Variants in JAG2 observed in about 807,000 individuals in gnomAD.
JAG2 encodes jagged canonical Notch ligand 2.
Under a neutral mutation model 141.7 loss-of-function variants are expected in JAG2, and 46 were observed. That is an observed-to-expected ratio of 0.32 (90% CI 0.26 to 0.42). The LOEUF is 0.42. Among genes scored for constraint, JAG2 ranks in the 10% least tolerant of loss-of-function variants. The pLI, the probability that JAG2 is intolerant of heterozygous loss-of-function variation, is 1.00. For missense variants in JAG2, 1,500 were observed against 1,817.5 expected (o/e 0.83, Z 3.18); for synonymous variants, 862 against 763.5 (o/e 1.13, Z -2.13).
At chr14:105,145,293 G>A (rs1888189654) in intron 23 of JAG2, among the ~76,000 whole-genome samples, 1 of 152,216 alleles carries the variant, frequency 6.6e-6, no homozygotes, top group Non-Finnish European at 1.5e-5. Context: ...AGCTCCACCT[G>A]CAGGCCAGTG....
At chr14:105,145,443 C>T (rs1457804612) in intron 23 of JAG2, among the ~76,000 whole-genome samples, 3 of 152,212 alleles carry the variant, frequency 2.0e-5, no homozygotes, top group Non-Finnish European at 4.4e-5. Context: ...GAGCTACAGC[C>T]CAAGAGCTGG....
At position 105,141,007 on chromosome 14, in the gene JAG2, C is replaced by T. The variant is rs1445466925; in HGVS notation, c.*1688G>A. The T allele has an allele frequency of 6.6e-6, 1 of 152,238 alleles. No homozygotes were observed. The highest frequency in any genetic ancestry group is 2.4e-5 in the African/African-American group (1 of 41,464). The allele number at this position is 152,238 out of a possible 1,614,324, so 9.4% of individuals were successfully genotyped here. On this transcript the variant is annotated 3_prime_UTR_variant, in exon 26 of 26. Coordinates refer to ENST00000331782, the MANE Select transcript of JAG2 (RefSeq NM_002226.5). Reference sequence around the variant, plus strand: ...TACCAGGTCAAAATTTTTATTCGTTCATTCATTTATTCATTTGTTCTGCCT... The same window carrying T: ...TACCAGGTCAAAATTTTTATTCGTTTATTCATTTATTCATTTGTTCTGCCT...
Position 105,148,870 on chromosome 14 carries a change from AG to A in JAG2, c.1907-13del. ...GCAGTCGTCAATGTCTGCAGAGGCG[AG>A]CGGGGTGAGCCAGGGCCTCAGGCCA... On this transcript the variant is annotated splice_polypyrimidine_tract_variant and intron_variant, in intron 14 of 25. Coordinates refer to ENST00000331782, the MANE Select transcript of JAG2 (RefSeq NM_002226.5). 6.3e-7 allele frequency: 1 copy of A among 1,587,306 alleles called. No individual in the cohort carries two copies. Among genetic ancestry groups the A allele is most frequent in the Non-Finnish European group, 8.6e-7 (1 of 1,167,796 alleles).
At chr14:105,165,950 C>T (rs1384490111) in intron 2 of JAG2, among the ~76,000 whole-genome samples, 8 of 152,174 alleles carry the variant, frequency 5.3e-5, no homozygotes, top group African/African-American at 1.9e-4. Context: ...TGCCGCCGCC[C>T]GAGTGCAAAT....
Position 105,148,386 on chromosome 14 carries a change from G to A in JAG2, c.2074C>T (p.Leu692=). The A allele has an allele frequency of 6.2e-7, 1 of 1,612,306 alleles. No individual in the cohort carries two copies. The highest frequency in any genetic ancestry group is 2.2e-5 in the East Asian group (1 of 44,878). Residue 692 remains leucine, a synonymous_variant, in exon 16 of 26, where the codon CTG becomes TTG. Transcript: ENST00000331782. The stretch of plus-strand genomic sequence containing the variant: ...CACGCACAGTAGAAGTCATTGACCA[G>A]GTCGTAGCAGCGGCCGCGGCTGTGG... ...PCHSRGRCYD[L]VNDFYCACDD...
chr14:105,158,373 C>A (rs1888638012), intron 2 of JAG2, among the ~76,000 whole-genome samples: 1 of 152,166 alleles, frequency 6.6e-6, no homozygotes, highest in Non-Finnish European at 1.5e-5. Context: ...GAACAGGTGG[C>A]AGGAGGGGCC....
chr14:105,149,060 G>A lies in JAG2; in HGVS notation c.1783C>T (p.Pro595Ser), dbSNP rs145627661. ...GAGGCTGCTGTGCCAGGCATCCCAG[G>A]CCCCGCGTCTGACCCGCAGCCATCG... The part of the protein sequence containing the change: ...VIDGCGSDAG[P>S]GMPGTAASGV... The change falls in exon 14 of 26, where the codon CCT becomes TCT. Residue 595 changes from proline to serine, a missense_variant. Transcript: ENST00000331782. 3.1e-4 allele frequency: 494 copies of A among 1,609,596 alleles called. No homozygotes were observed. Among genetic ancestry groups the A allele is most frequent in the Non-Finnish European group, 3.8e-4 (444 of 1,178,910 alleles).
chr14:105,155,397 C>A (rs147925142), intron 5 of JAG2, among the ~76,000 whole-genome samples, 165 bp downstream of exon 5: 1 of 152,180 alleles, frequency 6.6e-6, no homozygotes, highest in African/African-American at 2.4e-5. Context: ...CTCAGACACG[C>A]ACCTACTGCA....
intron 2 of JAG2, among the ~76,000 whole-genome samples, chr14:105,161,836 T>C (rs1395125271): frequency 1.3e-5 from 2 of 151,312 alleles, no homozygotes; most frequent in East Asian, 1.9e-4. Context: ...CCTCTGCGAA[T>C]AGCAACCTCT....
intron 17 of JAG2, 103 bp from the exon 18 acceptor site, chr14:105,147,991 C>G (rs1243049102): frequency 2.7e-6 from 3 of 1,112,560 alleles, no homozygotes; most frequent in Admixed American, 2.0e-5. Flanking sequence ...GACCCGGGGG[C>G]AGGGGGCAGG....
chr14:105,147,985 CGGGGGCAGGGGGCA>C (rs955906284), intron 17 of JAG2, 97 bp from the exon 18 acceptor site: 25 of 1,189,306 alleles, frequency 2.1e-5, no homozygotes, highest in Non-Finnish European at 2.9e-5. Context: ...CAGACAGACC[CGGGGGCAGGGGGCA>C]GGGGGCAGGT....
In JAG2 at chr14:105,151,374, G is replaced by A. The variant is rs1427362133; in HGVS notation, c.1176C>T (p.Asn392=). The A allele has an allele frequency of 6.8e-6, 11 of 1,611,614 alleles. No individual in the cohort carries two copies. The highest frequency in any genetic ancestry group is 8.5e-6 in the Non-Finnish European group (10 of 1,179,990). The change falls in exon 9 of 26, where the codon AAC becomes AAT. Residue 392 remains asparagine (N), a synonymous_variant. Coordinates refer to ENST00000331782, the MANE Select transcript of JAG2 (RefSeq NM_002226.5). ...CACAGGTGCCACCGGCCGCACACGG[G>A]TTCGAAGCACACTCATCGATGTCTG... is the stretch of plus-strand genomic sequence containing the variant. ...CALDIDECAS[N]PCAAGGTCVD... is the part of the protein sequence containing the mutation.
chr14:105,142,963 T>G lies in JAG2; in HGVS notation c.3449A>C (p.Gln1150Pro). Residue 1150 changes from glutamine to proline, a missense_variant, in exon 26 of 26, where the codon CAG (glutamine) becomes CCG (proline). Transcript: ENST00000331782. ...RPGGHKDVLYQCKNFTPPPRR... is the reference protein window; with the variant it reads ...RPGGHKDVLYPCKNFTPPPRR... ...CGGCGGCGGCGTGAAGTTCTTGCAC[T>G]GGTAGAGCACGTCCTTGTGGCCCCC... is the stretch of plus-strand genomic sequence containing the variant. The G allele has an allele frequency of 6.2e-7, 1 of 1,610,188 alleles. No individual in the cohort carries two copies. The highest frequency in any genetic ancestry group is 1.3e-5 in the African/African-American group (1 of 75,000).
rs747103357 is a variant in JAG2 at position 105,148,456 on chromosome 14, C to T, written c.2021-17G>A. On this transcript the variant is annotated splice_polypyrimidine_tract_variant and intron_variant, in intron 15 of 25. Transcript: ENST00000331782. ...CGTTGGGATCTGGGGGCGAGGACGCCGGTCAGCGGGCGGGGGGTCACCGGC... is the reference window on the plus strand; with the variant it reads ...CGTTGGGATCTGGGGGCGAGGACGCTGGTCAGCGGGCGGGGGGTCACCGGC... 22 of 1,577,780 alleles carry T rather than the reference C, an allele frequency of 1.4e-5. No homozygotes were observed. Among genetic ancestry groups the T allele is most frequent in the Admixed American group, 1.4e-4 (8 of 59,112 alleles).
At chr14:105,156,017 G>A (rs776912768) in intron 3 of JAG2, 28 bp from the exon 4 acceptor site, 1 of 1,596,840 alleles carries the variant, frequency 6.3e-7, no homozygotes, top group South Asian at 1.1e-5. Context: ...GTCAGCACAG[G>A]CCAGAGAAAC....
In JAG2 at chr14:105,145,927, G is replaced by T. The variant is rs1404064690; in HGVS notation, c.2756C>A (p.Ala919Asp). ...KPCLLAGQPEALSAQCPLGQR... is the reference protein window; with the variant it reads ...KPCLLAGQPEDLSAQCPLGQR... ...CCCCAGTGGGCACTGGGCGCTCAGG[G>T]CCTCGGGCTGGCCGGCCAGCAGACA... Residue 919 changes from alanine (A) to aspartate (D), a missense_variant, in exon 23 of 26, where the codon GCC becomes GAC. Around this residue, in one of 3 missense-constraint regions of JAG2, gnomAD observed 875 missense variants for 1,202.2 expected, o/e 0.73. Coordinates refer to ENST00000331782, the MANE Select transcript of JAG2 (RefSeq NM_002226.5). 2.5e-6 allele frequency: 4 copies of T among 1,578,182 alleles called. No homozygotes were observed. Among genetic ancestry groups the T allele is most frequent in the Non-Finnish European group, 3.4e-6 (4 of 1,163,546 alleles).
In JAG2 at chr14:105,146,845, A is replaced by T. The variant is rs1255848098; in HGVS notation, c.2480-121T>A. On this transcript the variant is annotated intron_variant, in intron 20 of 25. Coordinates refer to ENST00000331782, the MANE Select transcript of JAG2 (RefSeq NM_002226.5). ...CGCAAGCCCCAGGACAATGAGGAGC[A>T]GCCCCTGCCCCCGAGCCCAAGCTGC... is the stretch of plus-strand genomic sequence containing the variant. The T allele has an allele frequency of 3.6e-6, 3 of 831,280 alleles. No individual in the cohort carries two copies. The African/African-American group carries it at 5.0e-5, about 14-fold the overall frequency. The allele number at this position is 831,280 out of a possible 1,614,324, so 51.5% of individuals were successfully genotyped here. A position where few individuals can be genotyped will look rare whatever the true frequency, so the allele number is the denominator to read the frequency against.
chr14:105,155,036 C>T (rs1332909596), intron 5 of JAG2, among the ~76,000 whole-genome samples: 1 of 146,750 alleles, frequency 6.8e-6, no homozygotes, highest in Non-Finnish European at 1.5e-5. Context: ...CGGCCTCCCC[C>T]TCACAGCCTC....
Position 105,148,784 on chromosome 14 carries a change from A to T in JAG2, c.1981T>A (p.Phe661Ile). ...CIDEVDAFRCFCPSGWEGELC... is the reference protein window; with the variant it reads ...CIDEVDAFRCICPSGWEGELC... ...TCGCCCTCCCAGCCGCTGGGGCAGAAGCAGCGGAAGGCGTCCACCTCATCG... is the reference window on the plus strand; with the variant it reads ...TCGCCCTCCCAGCCGCTGGGGCAGATGCAGCGGAAGGCGTCCACCTCATCG... The change falls in exon 15 of 26, where the codon TTC (phenylalanine) becomes ATC (isoleucine). Residue 661 changes from phenylalanine (F) to isoleucine (I), a missense_variant. Coordinates refer to ENST00000331782, the MANE Select transcript of JAG2 (RefSeq NM_002226.5). 2 of 1,592,582 alleles carry T rather than the reference A, an allele frequency of 1.3e-6. No individual in the cohort carries two copies. The highest frequency in any genetic ancestry group is 1.7e-6 in the Non-Finnish European group (2 of 1,170,124).
Sources: gnomAD v4.1 joint callset for allele counts (sites outside exome capture counted in the v4.1 genomes callset) on GRCh38, gnomAD v4.1.1 for gene constraint, gnomAD v4.1.1 regional missense constraint, MANE v1.5 for transcripts, NCBI Gene and HGNC (gene_info 2026-07-23, HGNC 2026-07-21) for gene names.